Variants in CDK7 observed in about 807,000 individuals in gnomAD.
The protein encoded by CDK7 is cyclin dependent kinase 7.
Under a neutral mutation model 49.1 loss-of-function variants are expected in CDK7, and 25 were observed. The observed-to-expected ratio is 0.51, with a 90% confidence interval of 0.37 to 0.71. The LOEUF (loss-of-function observed/expected upper bound fraction) is 0.71, where lower values mean the gene tolerates loss of function less well. CDK7 is among the 30% of genes least tolerant of loss of function. The pLI, the probability that CDK7 is intolerant of heterozygous loss-of-function variation, is 0.00. For missense variants in CDK7, 316 were observed against 411.7 expected, an observed-to-expected ratio of 0.77 and a Z score of 2.01; for synonymous variants, 107 against 140.0, an observed-to-expected ratio of 0.76 and a Z score of 1.67.
chr5:69,271,670 C>G (rs532771601), intron 9 of CDK7, among the ~76,000 whole-genome samples: 1 of 152,072 alleles, frequency 6.6e-6, no homozygotes. Context: ...CACCACCACG[C>G]CCAGCTAGTT....
At chr5:69,277,071 A>G (rs1752228582) in intron 11 of CDK7, 36 bp from the exon 12 acceptor site, 1 of 1,559,076 alleles carries the variant, frequency 6.4e-7, no homozygotes, top group Non-Finnish European at 8.7e-7. Context: ...TTAAATGTGA[A>G]CAACTTTTTT....
intron 11 of CDK7, 65 bp downstream of exon 11, chr5:69,276,755 C>A: frequency 7.4e-7 from 1 of 1,354,592 alleles, no homozygotes; most frequent in Non-Finnish European, 1.0e-6. Context: ...TCGTGTATGG[C>A]TAGCGACTGA....
chr5:69,235,818 C>T (rs563753596), intron 2 of CDK7, among the ~76,000 whole-genome samples: 29 of 152,312 alleles, frequency 1.9e-4, no homozygotes, highest in African/African-American at 7.0e-4. Context: ...TTTCTGTGTA[C>T]GGATTTACCA....
chr5:69,255,012 C>G (rs1004931529), intron 4 of CDK7, among the ~76,000 whole-genome samples: 1 of 152,158 alleles, frequency 6.6e-6, no homozygotes, highest in Non-Finnish European at 1.5e-5. Context: ...CCCCAGAGTC[C>G]CTGCCTCATA....
Position 69,254,629 on chromosome 5 carries a change from TA to T in CDK7, c.192del (p.Lys64AsnfsTer6). On this transcript the variant is annotated frameshift_variant, in exon 4 of 12. Coordinates refer to ENST00000256443, the MANE Select transcript of CDK7 (RefSeq NM_001799.4). LOFTEE classifies it high-confidence loss of function. ...DGINRTALRE[I>X]KLLQELSHPN... is the part of the protein sequence containing the mutation. ...ATAAATAGAACCGCCTTAAGAGAGA[TA>T]AAATTATTACAGGAGCTAAGTCATC... 1 of 1,533,194 alleles carries T rather than the reference TA, an allele frequency of 6.5e-7. No individual in the cohort carries two copies. Among genetic ancestry groups the T allele is most frequent in the Non-Finnish European group, 9.0e-7 (1 of 1,106,564 alleles). The allele number at this position is 1,533,194 out of a possible 1,614,324, so 95.0% of individuals were successfully genotyped here.
chr5:69,258,208 G>T, intron 6 of CDK7, 55 bp downstream of exon 6: 1 of 708,338 alleles, frequency 1.4e-6, no homozygotes, highest in Non-Finnish European at 2.4e-6. Flanking sequence ...TAGCCAATTT[G>T]GTACATAGTG....
chr5:69,251,607 A>G (rs1213856511), intron 2 of CDK7, among the ~76,000 whole-genome samples: 1 of 151,998 alleles, frequency 6.6e-6, no homozygotes, highest in African/African-American at 2.4e-5. Context: ...CAGTGTGATC[A>G]TGGCTCACTG....
In CDK7 at chr5:69,267,360, G is replaced by C. The variant is rs951081684; in HGVS notation, c.628-1847G>C. On this transcript the variant is annotated intron_variant, in intron 8 of 11. Coordinates refer to ENST00000256443, the MANE Select transcript of CDK7 (RefSeq NM_001799.4). ...GTCGCCCAGGCTGGAGTGCGGTGGCGTGATCTCAGCTCATTGCAACCTCTG... is the reference window on the plus strand; with the variant it reads ...GTCGCCCAGGCTGGAGTGCGGTGGCCTGATCTCAGCTCATTGCAACCTCTG... 5.2e-4 allele frequency among the ~76,000 whole-genome samples: 74 copies of C among 142,040 alleles called. 1 individual carries two copies. The Admixed American group carries it at 5.5e-3, about 11-fold the overall frequency. The allele number at this position is 142,040 out of a possible 152,430, so 93.2% of individuals were successfully genotyped here.
At chr5:69,265,819 A>G (rs1004339863) in intron 8 of CDK7, among the ~76,000 whole-genome samples, 10 of 152,156 alleles carry the variant, frequency 6.6e-5, no homozygotes, top group African/African-American at 1.9e-4. Context: ...CTGAGTTGGC[A>G]GGATCACTGG....
At chr5:69,239,830 T>C (rs1011551338) in intron 2 of CDK7, among the ~76,000 whole-genome samples, 7 of 152,108 alleles carry the variant, frequency 4.6e-5, no homozygotes, top group Non-Finnish European at 7.4e-5. Flanking sequence ...TAGATCTTTA[T>C]TCCATCAACA....
chr5:69,269,757 A>AT (rs926343244), intron 9 of CDK7, among the ~76,000 whole-genome samples: 33 of 150,754 alleles, frequency 2.2e-4, no homozygotes, highest in African/African-American at 5.6e-4. Context: ...AATTATTATT[A>AT]TTTTTTTTAA....
intron 1 of CDK7, 65 bp from the exon 2 acceptor site, chr5:69,235,329 A>G (rs1748887395): frequency 7.9e-7 from 1 of 1,260,770 alleles, no homozygotes; most frequent in Non-Finnish European, 1.2e-6. Context: ...CGCGAAATGT[A>G]AAAATGCAAA....
intron 7 of CDK7, among the ~76,000 whole-genome samples, chr5:69,261,267 T>C (rs527757647): frequency 6.6e-6 from 1 of 152,218 alleles, no homozygotes; most frequent in Non-Finnish European, 1.5e-5. Flanking sequence ...CAGGAACTCA[T>C]AGAAACAGGG....
At chr5:69,274,886 G>A (rs1751953217) in intron 10 of CDK7, among the ~76,000 whole-genome samples, 4 of 152,132 alleles carry the variant, frequency 2.6e-5, no homozygotes, top group Admixed American at 2.6e-4. Context: ...AAAGTGCTGG[G>A]ATTACAGGCA....
At chr5:69,259,363 T>A (rs888178139) in intron 6 of CDK7, among the ~76,000 whole-genome samples, 1 of 152,152 alleles carries the variant, frequency 6.6e-6, no homozygotes, top group Non-Finnish European at 1.5e-5. Context: ...TTATAACTAG[T>A]AATTCTCATA....
intron 2 of CDK7, among the ~76,000 whole-genome samples, chr5:69,248,735 T>C (rs1363216899): frequency 6.6e-6 from 1 of 151,972 alleles, no homozygotes; most frequent in Non-Finnish European, 1.5e-5. Context: ...TTATTAAATA[T>C]GTTGAGGTAG....
chr5:69,245,042 C>CATG (rs774473188), intron 2 of CDK7, among the ~76,000 whole-genome samples: 1 of 152,090 alleles, frequency 6.6e-6, no homozygotes, highest in Non-Finnish European at 1.5e-5. Flanking sequence ...CCCACTTGGT[C>CATG]ATGATGATCT....
At chr5:69,238,418 A>AG (rs1178644032) in intron 2 of CDK7, among the ~76,000 whole-genome samples, 1 of 151,384 alleles carries the variant, frequency 6.6e-6, no homozygotes, top group East Asian at 1.9e-4. Flanking sequence ...CCAACCAGCT[A>AG]GGAGTACAGG....
At chr5:69,259,464 C>T (rs72767860) in intron 6 of CDK7, among the ~76,000 whole-genome samples, 23,232 of 152,014 alleles carry the variant, frequency 0.15, 1,926 homozygotes, top group African/African-American at 0.21. Flanking sequence ...ACATTAACAA[C>T]GTATATTATG....
Sources: allele counts gnomAD v4.1 joint callset (sites outside exome capture counted in the v4.1 genomes callset), GRCh38; gene constraint gnomAD v4.1.1; transcripts MANE v1.5; gene names NCBI Gene and HGNC (gene_info 2026-07-23, HGNC 2026-07-21).